BRD9: variants seen among roughly 807,000 people sequenced by gnomAD.
BRD9 encodes the protein bromodomain-containing protein 9.
BRD9 carries 47 observed loss-of-function variants against 68.7 expected under a neutral mutation model. The observed-to-expected ratio is 0.68, with a 90% CI of 0.54 to 0.87. The LOEUF (loss-of-function observed/expected upper bound fraction) is 0.87. Ranked by LOEUF, BRD9 falls within the 40% of genes least tolerant of loss-of-function variation. The pLI is 0.00. For missense variants in BRD9, 670 were observed against 748.4 expected (o/e 0.90, Z 1.22); for synonymous variants, 313 against 293.9 (o/e 1.06, Z -0.67).
intron 13 of BRD9, 58 bp downstream of exon 13, chr5:871,468 A>G: frequency 3.9e-6 from 6 of 1,540,346 alleles, no homozygotes; most frequent in South Asian, 1.1e-5. Context: ...CAAAGGCTGG[A>G]TACAACTTTC....
At position 878,365 on chromosome 5, in the gene BRD9, A is replaced by T. The variant is rs1273977223; in HGVS notation, c.1261T>A (p.Cys421Ser). ...GGGGCCGACACTTGCCTCAGCGCACACTGCACGCCTGTCTCATCTCCGTAG... is the reference window on the plus strand; with the variant it reads ...GGGGCCGACACTTGCCTCAGCGCACTCTGCACGCCTGTCTCATCTCCGTAG... ...SAYGDETGVQ[C>S]ALSLQEFVKD... Residue 421 changes from cysteine (C) to serine (S), a missense_variant, in exon 11 of 16, where the codon TGT becomes AGT. Coordinates refer to ENST00000467963, the MANE Select transcript of BRD9 (RefSeq NM_023924.5). 6.2e-7 allele frequency: 1 copy of T among 1,613,892 alleles called. No individual in the cohort carries two copies.
Position 864,395 on chromosome 5 carries a change from C to A in BRD9, c.*73G>T. 7.6e-7 allele frequency: 1 copy of A among 1,307,856 alleles called. No individual in the cohort carries two copies. Among genetic ancestry groups the A allele is most frequent in the Non-Finnish European group, 1.1e-6 (1 of 945,190 alleles). 81.0% of individuals were successfully genotyped at this position (1,307,856 alleles called of 1,614,324 possible). A position where few individuals can be genotyped will look rare whatever the true frequency, so the allele number is the denominator to read the frequency against. On this transcript the variant is annotated 3_prime_UTR_variant, in exon 16 of 16. Transcript: ENST00000467963. ...AAGGGGACAGGATCAAAGTCCTTGT[C>A]TGATGACAAAAACTCTACACGTGCA...
chr5:879,759 TC>T lies in BRD9; in HGVS notation c.1138+34del, dbSNP rs1364965310. 6.8e-6 allele frequency: 4 copies of T among 589,090 alleles called. No homozygotes were observed. In the African/African-American group the frequency reaches 1.2e-4, roughly 17 times the overall value. 36.5% of individuals were successfully genotyped at this position (589,090 alleles called of 1,614,324 possible). On this transcript the variant is annotated intron_variant, in intron 10 of 15. Coordinates refer to ENST00000467963, the MANE Select transcript of BRD9 (RefSeq NM_023924.5). Reference sequence around the variant, plus strand: ...ACTAAACCCCTGCCACCTTCCCTGCTCCGGCTGGCTCCTGGGACGGGACTAT... The same window carrying T: ...ACTAAACCCCTGCCACCTTCCCTGCTCGGCTGGCTCCTGGGACGGGACTAT...
intron 13 of BRD9, 139 bp from the exon 14 acceptor site, chr5:870,714 T>G: frequency 1.6e-6 from 1 of 610,240 alleles, no homozygotes; most frequent in Non-Finnish European, 2.9e-6. Flanking sequence ...GACCAAGCCC[T>G]GTTCACTGAG....
Position 864,451 on chromosome 5 carries a change from C to T in BRD9, c.*17G>A, listed in dbSNP as rs750236621. ...AAACTAAAAAAATAAAATAAAAGAGCTGAAGGTGGTCTAGAGTTAGGTCTT... is the reference window on the plus strand; with the variant it reads ...AAACTAAAAAAATAAAATAAAAGAGTTGAAGGTGGTCTAGAGTTAGGTCTT... On this transcript the variant is annotated 3_prime_UTR_variant, in exon 16 of 16. Transcript: ENST00000467963. 1.3e-6 allele frequency: 2 copies of T among 1,559,652 alleles called. No homozygotes were observed. Among genetic ancestry groups the T allele is most frequent in the Non-Finnish European group, 1.7e-6 (2 of 1,144,418 alleles).
At chr5:869,873 G>A (rs59443728) in intron 14 of BRD9, among the ~76,000 whole-genome samples, 1,533 of 152,238 alleles carry the variant, frequency 0.01, 29 homozygotes, top group African/African-American at 0.035. Context: ...ATCAAAACAA[G>A]CTGCAGACCA....
At chr5:875,208 CCTTTT>C (rs1193677740) in intron 12 of BRD9, among the ~76,000 whole-genome samples, 3 of 152,334 alleles carry the variant, frequency 2.0e-5, no homozygotes, top group Middle Eastern at 3.4e-3. Flanking sequence ...TCTTCTTCTT[CCTTTT>C]CTTTTCTGTA....
intron 8 of BRD9, chr5:881,414 T>C (rs562736920): frequency 1.7e-4 from 99 of 576,462 alleles, no homozygotes; most frequent in South Asian, 1.7e-3. Flanking sequence ...CTATAGGGGG[T>C]ACAGCTGAAA....
chr5:892,563 C>A, intron 1 of BRD9, 43 bp downstream of exon 1: 1 of 1,530,696 alleles, frequency 6.5e-7, no homozygotes, highest in South Asian at 1.2e-5. Flanking sequence ...CCCCCGTGCC[C>A]GGGACCCCGC....
In BRD9 at chr5:871,636, T is replaced by C. The variant is rs1290635641; in HGVS notation, c.1384-72A>G. 4 of 1,386,338 alleles carry C rather than the reference T, an allele frequency of 2.9e-6. No individual in the cohort carries two copies. The African/African-American group carries it at 5.7e-5, about 20-fold the overall frequency. The allele number at this position is 1,386,338 out of a possible 1,614,324, so 85.9% of individuals were successfully genotyped here. ...ATAGAAACGGACAATTCGCTGACATTACACACACGTAAAAATGGCTTGTGC... is the reference window on the plus strand; with the variant it reads ...ATAGAAACGGACAATTCGCTGACATCACACACACGTAAAAATGGCTTGTGC... On this transcript the variant is annotated intron_variant, in intron 12 of 15. Coordinates refer to ENST00000467963, the MANE Select transcript of BRD9 (RefSeq NM_023924.5).
rs376581330 is a variant in BRD9 at position 871,553 on chromosome 5, A to T, written c.1395T>A (p.Val465=). 1.1e-5 allele frequency: 18 copies of T among 1,614,054 alleles called. No homozygotes were observed. The highest frequency in any genetic ancestry group is 1.3e-5 in the Non-Finnish European group (15 of 1,179,974). Residue 465 remains valine, a synonymous_variant, in exon 13 of 16, where the codon GTT becomes GTA. Coordinates refer to ENST00000467963, the MANE Select transcript of BRD9 (RefSeq NM_023924.5). The part of the protein sequence containing the change: ...TLFQLKQRRN[V]PMKPPDEAKV... ...TGGCTTCATCTGGAGGCTTCATGGGAACATTTCTTCTCTGAAAAGTAAATG... is the reference window on the plus strand; with the variant it reads ...TGGCTTCATCTGGAGGCTTCATGGGTACATTTCTTCTCTGAAAAGTAAATG...
intron 7 of BRD9, among the ~76,000 whole-genome samples, chr5:884,372 C>T (rs1202448016): frequency 6.6e-6 from 1 of 152,202 alleles, no homozygotes; most frequent in Admixed American, 6.5e-5. Flanking sequence ...TAACAGATGC[C>T]CACACTGGTT....
chr5:884,853 T>C (rs756630788), intron 7 of BRD9, among the ~76,000 whole-genome samples: 11 of 152,386 alleles, frequency 7.2e-5, no homozygotes, highest in Non-Finnish European at 1.3e-4. Context: ...GGCACCTGCG[T>C]GAGCCCATTA....
chr5:876,056 C>G, intron 12 of BRD9, 45 bp downstream of exon 12: 1 of 1,428,002 alleles, frequency 7.0e-7, no homozygotes, highest in Non-Finnish European at 9.8e-7. Flanking sequence ...GCCAGCAGCA[C>G]CCCAAGGGCA....
chr5:865,277 C>T, intron 15 of BRD9, 137 bp downstream of exon 15: 2 of 1,224,330 alleles, frequency 1.6e-6, no homozygotes, highest in Non-Finnish European at 2.2e-6. Flanking sequence ...TCTGTGGAAA[C>T]CGACCTCCAC....
chr5:892,347 T>C, intron 1 of BRD9: 1 of 761,798 alleles, frequency 1.3e-6, no homozygotes, highest in Non-Finnish European at 2.0e-6. Context: ...GATGCTTCCC[T>C]AGTCTCCAGG....
chr5:864,612 C>T lies in BRD9; in HGVS notation c.1694-44G>A, dbSNP rs780668199. On this transcript the variant is annotated intron_variant, in intron 15 of 15. Transcript: ENST00000467963. ...AGGACTTCAACACACAGGACAGACC[C>T]GCAGCACACGTGGGGCTCCTGGAGC... The T allele has an allele frequency of 1.7e-5, 26 of 1,551,568 alleles. No individual in the cohort carries two copies. In the Admixed American group the frequency reaches 2.2e-4, roughly 13 times the overall value.
intron 11 of BRD9, among the ~76,000 whole-genome samples, chr5:876,984 G>A (rs926637966): frequency 6.6e-6 from 1 of 152,242 alleles, no homozygotes; most frequent in African/African-American, 2.4e-5. Flanking sequence ...ATGGGACCAC[G>A]TAGCCTCATG....
intron 1 of BRD9, chr5:892,255 T>A: frequency 8.6e-6 from 4 of 463,198 alleles, no homozygotes. Context: ...ATGGAGCTGC[T>A]GCGGGAGCAA....
Sources: gnomAD v4.1 joint callset for allele counts (sites outside exome capture counted in the v4.1 genomes callset) on GRCh38, gnomAD v4.1.1 for gene constraint, MANE v1.5 for transcripts, NCBI Gene and HGNC (gene_info 2026-07-23, HGNC 2026-07-21) for gene names.